KCNN2: variants seen among roughly 807,000 people sequenced by gnomAD.
KCNN2 encodes the protein small conductance calcium-activated potassium channel protein 2.
KCNN2 carries 24 observed loss-of-function variants against 55.5 expected under a neutral mutation model. The observed-to-expected ratio is 0.43, with a 90% CI of 0.31 to 0.61. The LOEUF is 0.61. Among genes scored for constraint, KCNN2 ranks in the 20% least tolerant of loss-of-function variants. The pLI, the probability that KCNN2 is intolerant of heterozygous loss-of-function variation, is 0.08. For synonymous variants in KCNN2, 431 were observed against 336.1 expected (o/e 1.28, Z -3.09); for missense variants, 754 against 853.6 (o/e 0.88, Z 1.45).
chr5:114,480,302 C>A (rs1762170664), intron 5 of KCNN2, among the ~76,000 whole-genome samples: 1 of 152,014 alleles, frequency 6.6e-6, no homozygotes, highest in Admixed American at 6.6e-5. Flanking sequence ...CCTCCTACGA[C>A]CGAACCAAGA....
At chr5:114,162,438 A>G (rs1580575706) in intron 1 of KCNN2, among the ~76,000 whole-genome samples, 1 of 151,976 alleles carries the variant, frequency 6.6e-6, no homozygotes, top group African/African-American at 2.4e-5. Context: ...CAGTTAGGCT[A>G]CTCAGGGGTC....
chr5:114,480,358 G>A (rs1762172233), intron 5 of KCNN2, among the ~76,000 whole-genome samples: 1 of 151,984 alleles, frequency 6.6e-6, no homozygotes, highest in Admixed American at 6.6e-5. Flanking sequence ...CTGAAATTGA[G>A]GCAGGAATAA....
At chr5:114,212,044 TAA>T (rs1302177751) in intron 1 of KCNN2, among the ~76,000 whole-genome samples, 27 of 151,932 alleles carry the variant, frequency 1.8e-4, no homozygotes, top group Middle Eastern at 3.4e-3. Flanking sequence ...AAATATATGT[TAA>T]GTGTATATCT....
At chr5:114,269,794 T>C (rs759455749) in intron 2 of KCNN2, among the ~76,000 whole-genome samples, 28 of 152,210 alleles carry the variant, frequency 1.8e-4, no homozygotes, top group Non-Finnish European at 3.2e-4. Context: ...TTTCAGGTCT[T>C]ATTTTAATAC....
intron 1 of KCNN2, among the ~76,000 whole-genome samples, chr5:114,160,516 A>G (rs970399812): frequency 1.1e-4 from 17 of 152,218 alleles, no homozygotes; most frequent in Middle Eastern, 3.4e-3. Flanking sequence ...GATGTCTATT[A>G]GGTCCACTTG....
At chr5:114,072,723 G>T (rs1464654457) in intron 1 of KCNN2, among the ~76,000 whole-genome samples, 1 of 152,094 alleles carries the variant, frequency 6.6e-6, no homozygotes, top group East Asian at 1.9e-4. Flanking sequence ...TTCCAATCCT[G>T]GATCTACCAC....
intron 1 of KCNN2, among the ~76,000 whole-genome samples, chr5:114,154,600 T>G (rs565585997): frequency 6.6e-6 from 1 of 152,188 alleles, no homozygotes; most frequent in Admixed American, 6.6e-5. Flanking sequence ...GTCATCCAGA[T>G]GGACTATATA....
intron 1 of KCNN2, among the ~76,000 whole-genome samples, chr5:114,065,846 GTTTTTTTTTTTTTT>G (rs56127808): frequency 2.2e-5 from 1 of 45,244 alleles, no homozygotes; most frequent in African/African-American, 8.5e-5. Flanking sequence ...TCCTATGCAG[GTTTTTTTTTTTTTT>G]TTTTTTTTTT....
intron 1 of KCNN2, among the ~76,000 whole-genome samples, chr5:114,100,085 A>G (rs1374034431): frequency 2.0e-5 from 3 of 152,060 alleles, no homozygotes; most frequent in African/African-American, 4.8e-5. Context: ...AATTACAAGC[A>G]GTGGATGAAA....
At chr5:114,461,308 A>G (rs1455490696) in intron 3 of KCNN2, among the ~76,000 whole-genome samples, 2 of 152,180 alleles carry the variant, frequency 1.3e-5, no homozygotes, top group East Asian at 3.9e-4. Context: ...CTCTACACCA[A>G]GACCTTCTGG....
intron 2 of KCNN2, among the ~76,000 whole-genome samples, chr5:114,369,090 G>C (rs1399956458): frequency 6.6e-6 from 1 of 152,080 alleles, no homozygotes; most frequent in Non-Finnish European, 1.5e-5. Context: ...AAGGGAGTTT[G>C]CATTTTAAAT....
chr5:114,287,867 G>GT (rs1450233048), intron 2 of KCNN2, among the ~76,000 whole-genome samples: 26 of 151,940 alleles, frequency 1.7e-4, no homozygotes, highest in Admixed American at 1.7e-3. Context: ...CCTATGCTGT[G>GT]TTTTATTGTG....
At chr5:114,351,155 CA>C (rs1350463641) in intron 2 of KCNN2, among the ~76,000 whole-genome samples, 1 of 151,716 alleles carries the variant, frequency 6.6e-6, no homozygotes, top group Non-Finnish European at 1.5e-5. Flanking sequence ...TTCAGAGTAT[CA>C]GTTTTGTACT....
chr5:114,175,989 T>C (rs1287976286), intron 1 of KCNN2, among the ~76,000 whole-genome samples: 1 of 152,226 alleles, frequency 6.6e-6, no homozygotes, highest in Non-Finnish European at 1.5e-5. Context: ...ATATTTCTTA[T>C]TGGAGATAAT....
At chr5:114,471,538 T>C (rs562085636) in intron 4 of KCNN2, among the ~76,000 whole-genome samples, 16 of 152,296 alleles carry the variant, frequency 1.1e-4, no homozygotes, top group East Asian at 3.9e-4. Flanking sequence ...AATATAGATA[T>C]AGATATTATG....
At chr5:114,056,485 C>T in exon 1 of KCNN2, 1 of 398,584 alleles carries the variant, frequency 2.5e-6, no homozygotes, top group Admixed American at 4.4e-5. Context: ...AGCGGGACTC[C>T]TGGTTGCAGA....
intron 2 of KCNN2, among the ~76,000 whole-genome samples, chr5:114,261,335 C>A (rs756169759): frequency 6.6e-6 from 1 of 152,168 alleles, no homozygotes; most frequent in Non-Finnish European, 1.5e-5. Context: ...TCCAGCAAAC[C>A]CACAGCCCAA....
intron 1 of KCNN2, among the ~76,000 whole-genome samples, chr5:114,218,457 A>C (rs572877884): frequency 6.6e-6 from 1 of 152,310 alleles, no homozygotes; most frequent in East Asian, 1.9e-4. Context: ...GAAAACTTAA[A>C]ATGCATATTA....
intron 1 of KCNN2, among the ~76,000 whole-genome samples, chr5:114,060,539 C>T (rs1750304172): frequency 6.6e-6 from 1 of 152,216 alleles, no homozygotes; most frequent in African/African-American, 2.4e-5. Context: ...CCATCCCATT[C>T]TCACTAATGA....
Sources: allele counts gnomAD v4.1 joint callset (sites outside exome capture counted in the v4.1 genomes callset), GRCh38; gene constraint gnomAD v4.1.1; transcripts MANE v1.5; gene names NCBI Gene and HGNC (gene_info 2026-07-23, HGNC 2026-07-21).